COPS7A: variants seen among roughly 807,000 people sequenced by gnomAD.
The protein encoded by COPS7A is COP9 signalosome subunit 7A.
COPS7A carries 20 observed loss-of-function variants against 35.2 expected under a neutral mutation model. The observed-to-expected ratio is 0.57, with a 90% CI of 0.40 to 0.83. COPS7A has a LOEUF of 0.83. Ranked by LOEUF, COPS7A falls within the 40% of genes least tolerant of loss-of-function variation. The probability of loss-of-function intolerance (pLI) is 0.00; values close to 1 mark genes in which losing one functional copy is unlikely to be tolerated. For synonymous variants in COPS7A, 139 were observed against 141.4 expected, an observed-to-expected ratio of 0.98 and a Z score of 0.12; for missense variants, 247 against 347.5, an observed-to-expected ratio of 0.71 and a Z score of 2.30.
chr12:6,731,812 A>G lies in COPS7A; in HGVS notation c.*773A>G, dbSNP rs1040915451. 1.3e-5 allele frequency: 2 copies of G among 152,542 alleles called. No individual in the cohort carries two copies. Among genetic ancestry groups the G allele is most frequent in the East Asian group, 1.9e-4 (1 of 5,204 alleles). The allele number at this position is 152,542 out of a possible 1,614,324, so 9.4% of individuals were successfully genotyped here. On this transcript the variant is annotated 3_prime_UTR_variant, in exon 8 of 8. Coordinates refer to ENST00000543155, the MANE Select transcript of COPS7A (RefSeq NM_001164094.2). ...TAAAAAAAAAAAGGTATATATGCAT[A>G]TATCTATATATAATATGACGCAGAA...
rs754279549 is a variant in COPS7A at position 6,724,747 on chromosome 12, A to C, written c.91A>C (p.Ile31Leu). The part of the protein sequence containing the change: ...SAKGAALATL[I>L]HQVLEAPGVY... ...CAAGGGGGCAGCGCTGGCCACACTC[A>C]TCCATCAGGTGCTGGAGGCCCCTGG... The change falls in exon 2 of 8, where the codon ATC (isoleucine) becomes CTC (leucine). Residue 31 changes from isoleucine to leucine, a missense_variant. Ile to Leu is a conservative substitution (Grantham distance 5). Transcript: ENST00000543155. The C allele has an allele frequency of 6.2e-7, 1 of 1,614,130 alleles. No individual in the cohort carries two copies. Among genetic ancestry groups the C allele is most frequent in the Non-Finnish European group, 8.5e-7 (1 of 1,180,004 alleles).
At chr12:6,727,886 G>A in intron 2 of COPS7A, 40 bp from the exon 3 acceptor site, 1 of 1,601,724 alleles carries the variant, frequency 6.2e-7, no homozygotes, top group South Asian at 1.1e-5. Context: ...GGGTGGAGAG[G>A]GAAGACTTCC....
At position 6,729,918 on chromosome 12, in the gene COPS7A, G is replaced by A. The variant is rs1941350465; in HGVS notation, c.530+469G>A. 6.6e-6 allele frequency among the ~76,000 whole-genome samples: 1 copy of A among 151,968 alleles called. No homozygotes were observed. The highest frequency in any genetic ancestry group is 2.4e-5 in the African/African-American group (1 of 41,348). On this transcript the variant is annotated intron_variant, in intron 5 of 7. Coordinates refer to ENST00000543155, the MANE Select transcript of COPS7A (RefSeq NM_001164094.2). The surrounding 1 kb of genome is among the most constrained non-coding windows in gnomAD (Gnocchi z 4.2). ...ACTCCCATCTTGCTCATCACTCCAG[G>A]CGCTTCCTTATCCCTCTCTGACCAC...
At position 6,728,315 on chromosome 12, in the gene COPS7A, A is replaced by G. The variant is rs1273893819; in HGVS notation, c.327+4A>G. ...CACCCTGGCTGCTAAAGTAAAGGTG[A>G]GTGGCAGTCCCCCAGTCCTACGGTC... On this transcript the variant is annotated splice_donor_region_variant and intron_variant, in intron 4 of 7. Transcript: ENST00000543155. 1.2e-5 allele frequency: 19 copies of G among 1,612,768 alleles called. No homozygotes were observed. Among genetic ancestry groups the G allele is most frequent in the Non-Finnish European group, 1.6e-5 (19 of 1,178,758 alleles).
At chr12:6,726,422 C>T (rs1443146767) in intron 2 of COPS7A, among the ~76,000 whole-genome samples, 1 of 150,248 alleles carries the variant, frequency 6.7e-6, no homozygotes, top group Non-Finnish European at 1.5e-5. Flanking sequence ...GCCAAGATGG[C>T]AAAACCCCGT....
chr12:6,724,574 C>A, intron 1 of COPS7A, 40 bp from the exon 2 acceptor site: 2 of 1,550,052 alleles, frequency 1.3e-6, no homozygotes, highest in Non-Finnish European at 1.8e-6. Context: ...ATCCGACCAG[C>A]CATCGGGGAC....
intron 2 of COPS7A, among the ~76,000 whole-genome samples, chr12:6,726,543 C>T (rs971348059): frequency 2.6e-5 from 4 of 151,326 alleles, no homozygotes; most frequent in Admixed American, 2.0e-4. Context: ...CAGGAGGTTG[C>T]AGTGAGCCGA....
intron 2 of COPS7A, among the ~76,000 whole-genome samples, chr12:6,726,723 T>G (rs1355450323): frequency 6.7e-6 from 1 of 148,920 alleles, no homozygotes; most frequent in Non-Finnish European, 1.5e-5. Flanking sequence ...GTCGCGCCAC[T>G]GCACTCCAGC....
rs972740835 is a variant in COPS7A at position 6,724,184 on chromosome 12, G to C, written c.-44+5G>C. The C allele has an allele frequency of 1.1e-5, 3 of 282,978 alleles. No individual in the cohort carries two copies. The highest frequency in any genetic ancestry group is 2.1e-5 in the Non-Finnish European group (3 of 142,152). The allele number at this position is 282,978 out of a possible 1,614,324, so 17.5% of individuals were successfully genotyped here. A position where few individuals can be genotyped will look rare whatever the true frequency, so the allele number is the denominator to read the frequency against. ...GCCCGCAGAGCCTGACCCAGGGTAC[G>C]ACGAAGCAGTCGGCGGGAGCCCACG... On this transcript the variant is annotated splice_donor_5th_base_variant and intron_variant, in intron 1 of 7. Coordinates refer to ENST00000543155, the MANE Select transcript of COPS7A (RefSeq NM_001164094.2).
intron 2 of COPS7A, chr12:6,725,594 C>A: frequency 2.2e-6 from 1 of 455,838 alleles, no homozygotes; most frequent in South Asian, 1.5e-5. Context: ...TCCCTATGTG[C>A]AGCATATGCT....
At position 6,724,741 on chromosome 12, in the gene COPS7A, A is replaced by C; in HGVS notation, c.85A>C (p.Thr29Pro). 1.9e-6 allele frequency: 3 copies of C among 1,614,194 alleles called. No homozygotes were observed. Among genetic ancestry groups the C allele is most frequent in the Non-Finnish European group, 2.5e-6 (3 of 1,180,032 alleles). Residue 29 changes from threonine (T) to proline (P), a missense_variant, in exon 2 of 8, where the codon ACA becomes CCA. Transcript: ENST00000543155. ...AKSAKGAALA[T>P]LIHQVLEAPG... Reference sequence around the variant, plus strand: ...GTCGGCCAAGGGGGCAGCGCTGGCCACACTCATCCATCAGGTGCTGGAGGC... The same window carrying C: ...GTCGGCCAAGGGGGCAGCGCTGGCCCCACTCATCCATCAGGTGCTGGAGGC...
At position 6,731,003 on chromosome 12, in the gene COPS7A, C is replaced by G. The variant is rs759598959; in HGVS notation, c.792C>G (p.Leu264=). 1 of 1,613,730 alleles carries G rather than the reference C, an allele frequency of 6.2e-7. No homozygotes were observed. Residue 264 remains leucine, a synonymous_variant, in exon 8 of 8, where the codon CTC becomes CTG. Coordinates refer to ENST00000543155, the MANE Select transcript of COPS7A (RefSeq NM_001164094.2). ...TTCTCTCTCTTCTCCTTGCCAGGCT[C>G]CGAGGGAGCGCCAAGATTTGGTCCA... ...PSKKASKGKG[L]RGSAKIWSKS... is the part of the protein sequence containing the mutation.
chr12:6,728,470 G>A (rs1941311638), intron 4 of COPS7A, 159 bp downstream of exon 4: 1 of 522,760 alleles, frequency 1.9e-6, no homozygotes, highest in Admixed American at 3.7e-5. Context: ...TAGGCTGATA[G>A]TATTCTTAGT....
At chr12:6,725,777 T>C (rs1204720830) in intron 2 of COPS7A, 1 of 456,012 alleles carries the variant, frequency 2.2e-6, no homozygotes, top group African/African-American at 2.0e-5. Flanking sequence ...TAAACTGAGC[T>C]AAGTTATTTG....
chr12:6,729,230 G>A lies in COPS7A; in HGVS notation c.328-17G>A, dbSNP rs766884987. Reference sequence around the variant, plus strand: ...TACGGAGCGTCACAAATCCTGGCCTGATCTCCGCGGCCCCAGTGTATCCCA... The same window carrying A: ...TACGGAGCGTCACAAATCCTGGCCTAATCTCCGCGGCCCCAGTGTATCCCA... On this transcript the variant is annotated splice_polypyrimidine_tract_variant and intron_variant, in intron 4 of 7. Transcript: ENST00000543155. This position sits in a 1 kb window ranked among gnomAD's most constrained non-coding sequence, Gnocchi z 4.2. The A allele has an allele frequency of 9.9e-6, 16 of 1,613,922 alleles. No individual in the cohort carries two copies. The highest frequency in any genetic ancestry group is 1.4e-5 in the Non-Finnish European group (16 of 1,179,858).
At position 6,729,741 on chromosome 12, in the gene COPS7A, G is replaced by A. The variant is rs548476970; in HGVS notation, c.530+292G>A. Reference sequence around the variant, plus strand: ...CGCCTGTCTTAGGCTAGACTCTGTCGATTGATCTGTAACTACCATTATCCA... The same window carrying A: ...CGCCTGTCTTAGGCTAGACTCTGTCAATTGATCTGTAACTACCATTATCCA... On this transcript the variant is annotated intron_variant, in intron 5 of 7. Coordinates refer to ENST00000543155, the MANE Select transcript of COPS7A (RefSeq NM_001164094.2). The surrounding 1 kb of genome is among the most constrained non-coding windows in gnomAD (Gnocchi z 4.2). Among the ~76,000 whole-genome samples the A allele has an allele frequency of 3.3e-4, 51 of 152,306 alleles. 1 individual carries two copies. The highest frequency in any genetic ancestry group is 1.1e-3 in the African/African-American group (47 of 41,566).
At chr12:6,725,095 G>C (rs1941217150) in intron 2 of COPS7A, among the ~76,000 whole-genome samples, 1 of 151,756 alleles carries the variant, frequency 6.6e-6, no homozygotes. Context: ...CACCAGTGTA[G>C]TAGCTGTTAA....
chr12:6,725,912 T>C (rs1412131041), intron 2 of COPS7A: 13 of 455,950 alleles, frequency 2.9e-5, no homozygotes, highest in Admixed American at 2.3e-4. Flanking sequence ...AGCACTTGGC[T>C]GGGTGCGGTG....
At chr12:6,728,710 A>G (rs1213903687) in intron 4 of COPS7A, among the ~76,000 whole-genome samples, 1 of 152,106 alleles carries the variant, frequency 6.6e-6, no homozygotes, top group Admixed American at 6.6e-5. Context: ...TTTTTGTCTA[A>G]TATCACCACC....
Sources: allele counts gnomAD v4.1 joint callset (sites outside exome capture counted in the v4.1 genomes callset), GRCh38; gene constraint gnomAD v4.1.1; non-coding constraint Gnocchi (gnomAD v3.1); transcripts MANE v1.5; gene names NCBI Gene and HGNC (gene_info 2026-07-23, HGNC 2026-07-21).